Variants in RALGAPA1 observed in about 807,000 individuals in gnomAD.
RALGAPA1 encodes the protein Ral GTPase activating protein catalytic subunit alpha 1.
A neutral mutation model predicts 269.6 loss-of-function variants in RALGAPA1; 52 were observed. That is an observed-to-expected ratio of 0.19 (90% CI 0.15 to 0.24). The LOEUF is 0.24. Among genes scored for constraint, RALGAPA1 ranks in the 10% least tolerant of loss-of-function variants. RALGAPA1 has a pLI of 1.00. For missense variants in RALGAPA1, 1,917 were observed against 3,013.9 expected (o/e 0.64, Z 8.52); for synonymous variants, 817 against 1,008.3 (o/e 0.81, Z 3.60).
At chr14:35,697,409 G>A (rs1363060560) in intron 17 of RALGAPA1, among the ~76,000 whole-genome samples, 3 of 151,696 alleles carry the variant, frequency 2.0e-5, no homozygotes, top group Non-Finnish European at 2.9e-5. Context: ...TGCAGTGGGC[G>A]ATCTCGGCTC....
chr14:35,694,056 G>A (rs1395514542), intron 17 of RALGAPA1, among the ~76,000 whole-genome samples: 4 of 151,418 alleles, frequency 2.6e-5, no homozygotes. Flanking sequence ...CATAAGTATG[G>A]GCTTAATAAA....
chr14:35,765,060 C>T (rs2074034881), intron 4 of RALGAPA1, among the ~76,000 whole-genome samples: 1 of 152,082 alleles, frequency 6.6e-6, no homozygotes, highest in Non-Finnish European at 1.5e-5. Context: ...AAATGGAAAA[C>T]CAAGTGTAGT....
At chr14:35,699,161 A>AG (rs1410480765) in intron 17 of RALGAPA1, among the ~76,000 whole-genome samples, 1 of 152,198 alleles carries the variant, frequency 6.6e-6, no homozygotes, top group Non-Finnish European at 1.5e-5. Context: ...ATTTCTAATT[A>AG]ATTATATTAT....
intron 39 of RALGAPA1, among the ~76,000 whole-genome samples, chr14:35,564,092 CATT>C (rs1167627301): frequency 6.6e-6 from 1 of 152,162 alleles, no homozygotes; most frequent in Admixed American, 6.5e-5. Context: ...ACGATAGCAT[CATT>C]AACTCCCATG....
chr14:35,561,371 G>C (rs1231669642), intron 39 of RALGAPA1, among the ~76,000 whole-genome samples: 1 of 151,668 alleles, frequency 6.6e-6, no homozygotes, highest in African/African-American at 2.4e-5. Context: ...ACATATATGG[G>C]GCCCCTGTTT....
intron 3 of RALGAPA1, 38 bp downstream of exon 3, chr14:35,774,968 T>C (rs369820049): frequency 5.0e-4 from 647 of 1,304,844 alleles, no homozygotes; most frequent in Admixed American, 1.4e-3. Context: ...CAAAAATTAT[T>C]TTTGAAAAAG....
At chr14:35,805,836 C>T (rs914952718) in intron 1 of RALGAPA1, among the ~76,000 whole-genome samples, 1 of 151,864 alleles carries the variant, frequency 6.6e-6, no homozygotes, top group East Asian at 1.9e-4. Flanking sequence ...AGGTGCACGC[C>T]ACCATGCCTG....
intron 37 of RALGAPA1, among the ~76,000 whole-genome samples, chr14:35,577,242 A>G (rs2057627303): frequency 6.6e-6 from 1 of 152,118 alleles, no homozygotes; most frequent in Admixed American, 6.5e-5. Context: ...ATGTTCACCC[A>G]TTGCTACAGA....
At chr14:35,681,723 T>C (rs1361643298) in intron 21 of RALGAPA1, among the ~76,000 whole-genome samples, 1 of 152,166 alleles carries the variant, frequency 6.6e-6, no homozygotes, top group Non-Finnish European at 1.5e-5. Context: ...CACATGGTCT[T>C]GTAACCAACA....
chr14:35,690,012 GA>G lies in RALGAPA1; in HGVS notation c.2408-10del, dbSNP rs746125628. 7.2e-5 allele frequency: 109 copies of G among 1,515,528 alleles called. No homozygotes were observed. The highest frequency in any genetic ancestry group is 3.0e-4 in the East Asian group (12 of 39,798). The allele number at this position is 1,515,528 out of a possible 1,614,324, so 93.9% of individuals were successfully genotyped here. ...TTGAGCATCATCAATATCTGTAAAA[GA>G]AAAAAAAATTATGTAGAGAAGAACT... is the stretch of plus-strand genomic sequence containing the variant. On this transcript the variant is annotated splice_polypyrimidine_tract_variant and intron_variant, in intron 17 of 41. Coordinates refer to ENST00000680220, the MANE Select transcript of RALGAPA1 (RefSeq NM_001346249.2).
At chr14:35,798,833 A>G (rs1367482583) in intron 1 of RALGAPA1, among the ~76,000 whole-genome samples, 4 of 152,138 alleles carry the variant, frequency 2.6e-5, no homozygotes, top group Non-Finnish European at 4.4e-5. Context: ...TACTAAAAAT[A>G]CTAAAAAAAG....
At chr14:35,804,770 A>G (rs977949618) in intron 1 of RALGAPA1, among the ~76,000 whole-genome samples, 43 of 150,044 alleles carry the variant, frequency 2.9e-4, no homozygotes, top group Non-Finnish European at 5.5e-4. Flanking sequence ...ATCTCTACAA[A>G]AAAAAATTTT....
At chr14:35,614,135 G>A (rs548943550) in intron 35 of RALGAPA1, among the ~76,000 whole-genome samples, 15 of 152,280 alleles carry the variant, frequency 9.9e-5, no homozygotes, top group African/African-American at 3.6e-4. Context: ...CGGTGGGAAG[G>A]TAAAATGGTA....
intron 35 of RALGAPA1, among the ~76,000 whole-genome samples, chr14:35,625,046 T>C (rs993347611): frequency 6.0e-5 from 9 of 150,280 alleles, no homozygotes; most frequent in African/African-American, 2.2e-4. Flanking sequence ...AAAAAAAAGT[T>C]AGCCGGGTGT....
At chr14:35,555,883 A>C (rs768115324) in intron 39 of RALGAPA1, among the ~76,000 whole-genome samples, 4 of 152,204 alleles carry the variant, frequency 2.6e-5, no homozygotes, top group Non-Finnish European at 5.9e-5. Flanking sequence ...AAGGTATATT[A>C]GGCCTTTTAG....
At position 35,606,466 on chromosome 14, in the gene RALGAPA1, T is replaced by C. The variant is rs951151303; in HGVS notation, c.6930-757A>G. Among the ~76,000 whole-genome samples the C allele has an allele frequency of 1.3e-5, 2 of 152,190 alleles. 1 individual carries two copies. The highest frequency in any genetic ancestry group is 2.9e-5 in the Non-Finnish European group (2 of 68,016). ...ATAAGGTATTATAATCTTATGAGAC[T>C]ACTGTCATATATGTGGTCCATTGTT... is the stretch of plus-strand genomic sequence containing the variant. On this transcript the variant is annotated intron_variant, in intron 35 of 41. Coordinates refer to ENST00000680220, the MANE Select transcript of RALGAPA1 (RefSeq NM_001346249.2).
At chr14:35,709,509 A>G (rs534961815) in intron 16 of RALGAPA1, among the ~76,000 whole-genome samples, 6 of 152,116 alleles carry the variant, frequency 3.9e-5, no homozygotes, top group Non-Finnish European at 7.4e-5. Flanking sequence ...TCTAAGACCC[A>G]ACTTTCGGTT....
intron 39 of RALGAPA1, among the ~76,000 whole-genome samples, chr14:35,559,029 T>A (rs1262590001): frequency 6.6e-6 from 1 of 152,172 alleles, no homozygotes; most frequent in Admixed American, 6.5e-5. Context: ...ACATACCTTA[T>A]GTGAAATGCA....
At chr14:35,620,051 C>T (rs549334385) in intron 35 of RALGAPA1, among the ~76,000 whole-genome samples, 1 of 152,136 alleles carries the variant, frequency 6.6e-6, no homozygotes, top group Non-Finnish European at 1.5e-5. Context: ...ATATCAAAGC[C>T]TGGCAGACAC....
Sources: allele counts gnomAD v4.1 joint callset (sites outside exome capture counted in the v4.1 genomes callset), GRCh38; gene constraint gnomAD v4.1.1; transcripts MANE v1.5; gene names NCBI Gene and HGNC (gene_info 2026-07-23, HGNC 2026-07-21).